The following PRKCH variants were observed in gnomAD, a reference collection of about 807,000 sequenced individuals.
The protein encoded by PRKCH is protein kinase C eta type.
A neutral mutation model predicts 82.5 loss-of-function variants in PRKCH; 28 were observed. That is an observed-to-expected ratio of 0.34 (90% confidence interval 0.25 to 0.47). The LOEUF (loss-of-function observed/expected upper bound fraction) is 0.47, where lower values mean the gene tolerates loss of function less well. Ranked by LOEUF, PRKCH falls within the 20% of genes least tolerant of loss-of-function variation. The pLI is 1.00. For missense variants in PRKCH, 705 were observed against 881.8 expected (o/e 0.80, Z 2.54); for synonymous variants, 322 against 327.4 (o/e 0.98, Z 0.18).
intron 1 of PRKCH, chr14:61,348,076 A>G (rs1268680054): frequency 3.3e-5 from 5 of 152,126 alleles, no homozygotes; most frequent in African/African-American, 1.2e-4. Flanking sequence ...GTTTAGATCT[A>G]TTTATTTGAT....
chr14:61,196,552 T>C (rs1035863944), intron 1 of PRKCH, among the ~76,000 whole-genome samples: 3 of 152,198 alleles, frequency 2.0e-5, no homozygotes, highest in Non-Finnish European at 2.9e-5. Flanking sequence ...CAGATTACAT[T>C]AAAACTAAAA....
intron 1 of PRKCH, among the ~76,000 whole-genome samples, chr14:61,207,965 T>G (rs935594790): frequency 6.6e-6 from 1 of 152,220 alleles, no homozygotes; most frequent in African/African-American, 2.4e-5. Flanking sequence ...ATTAGTCCGG[T>G]AAAGAACAAG....
At chr14:61,467,996 C>G (rs766383677) in intron 9 of PRKCH, among the ~76,000 whole-genome samples, 12 of 152,224 alleles carry the variant, frequency 7.9e-5, no homozygotes, top group Admixed American at 2.0e-4. Context: ...CCTGACCTGA[C>G]TGTCCTGCCA....
intron 9 of PRKCH, among the ~76,000 whole-genome samples, chr14:61,466,787 T>C (rs1885281879): frequency 6.6e-6 from 1 of 152,148 alleles, no homozygotes; most frequent in South Asian, 2.1e-4. Context: ...CGGTCGCTTT[T>C]GCCTCCTCCC....
intron 1 of PRKCH, among the ~76,000 whole-genome samples, chr14:61,290,123 C>G (rs983753473): frequency 3.9e-5 from 6 of 152,014 alleles, no homozygotes; most frequent in Admixed American, 1.3e-4. Flanking sequence ...GAAACCCTGT[C>G]TCTACTAAAA....
intron 1 of PRKCH, among the ~76,000 whole-genome samples, chr14:61,256,849 T>C (rs1175978661): frequency 6.6e-6 from 1 of 152,228 alleles, no homozygotes; most frequent in Non-Finnish European, 1.5e-5. Flanking sequence ...GTCAATGGCT[T>C]CACTTAGCAG....
intron 1 of PRKCH, among the ~76,000 whole-genome samples, chr14:61,253,964 TTCCC>T (rs1238954628): frequency 1.5e-5 from 2 of 135,566 alleles, no homozygotes; most frequent in Admixed American, 7.3e-5. Context: ...TCCTTCCTTC[TTCCC>T]TCCCTCCCTC....
intron 2 of PRKCH, among the ~76,000 whole-genome samples, chr14:61,393,860 G>T (rs144237107): frequency 6.7e-4 from 102 of 152,344 alleles, no homozygotes; most frequent in African/African-American, 2.4e-3. Flanking sequence ...ACAAATGTGG[G>T]TCTCACCTAA....
intron 1 of PRKCH, among the ~76,000 whole-genome samples, chr14:61,294,587 A>T (rs2045391147): frequency 6.6e-6 from 1 of 152,072 alleles, no homozygotes; most frequent in South Asian, 2.1e-4. Context: ...AAATCTTTTA[A>T]CTGTGATGGT....
chr14:61,547,477 C>T (rs1472544847), intron 12 of PRKCH, among the ~76,000 whole-genome samples: 1 of 152,130 alleles, frequency 6.6e-6, no homozygotes. Context: ...ATGGTGTTTA[C>T]AGAAAAGAAA....
chr14:61,492,172 C>T (rs1886475398), intron 10 of PRKCH: 3 of 152,348 alleles, frequency 2.0e-5, no homozygotes, highest in Admixed American at 6.5e-5. Flanking sequence ...TATCTTACTT[C>T]ACTTGGCATT....
chr14:61,290,430 C>T (rs1320417662), intron 1 of PRKCH, among the ~76,000 whole-genome samples: 8 of 152,054 alleles, frequency 5.3e-5, no homozygotes, highest in Admixed American at 5.2e-4. Flanking sequence ...TTTCTTGTAA[C>T]ATCTGCCAGA....
In PRKCH at chr14:61,529,081, G is replaced by T; in HGVS notation, c.1440G>T (p.Leu480=). 6.2e-7 allele frequency: 1 copy of T among 1,608,616 alleles called. No individual in the cohort carries two copies. Among genetic ancestry groups the T allele is most frequent in the South Asian group, 1.1e-5 (1 of 90,902 alleles). The change falls in exon 11 of 14, where the codon CTG becomes CTT. Residue 480 remains leucine (L), a synonymous_variant. Coordinates refer to ENST00000332981, the MANE Select transcript of PRKCH (RefSeq NM_006255.5). ...LHDKGIIYRD[L]KLDNVLLDHE... is the part of the protein sequence containing the mutation. The stretch of plus-strand genomic sequence containing the variant: ...TGCTCTTTGTATCTTTCAGAGATCT[G>T]AAACTGGACAATGTCCTGTTGGACC...
intron 12 of PRKCH, among the ~76,000 whole-genome samples, chr14:61,536,262 T>C (rs550957441): frequency 6.6e-6 from 1 of 152,320 alleles, no homozygotes; most frequent in African/African-American, 2.4e-5. Context: ...TATCTATGCC[T>C]TCTCAAGAAG....
At chr14:61,329,644 G>A (rs2045755766) in intron 1 of PRKCH, among the ~76,000 whole-genome samples, 1 of 152,086 alleles carries the variant, frequency 6.6e-6, no homozygotes, top group African/African-American at 2.4e-5. Context: ...GCATCTTTCA[G>A]TTCCTCAAAA....
At chr14:61,301,241 C>A (rs1412367516) in intron 1 of PRKCH, among the ~76,000 whole-genome samples, 1 of 152,138 alleles carries the variant, frequency 6.6e-6, no homozygotes, top group East Asian at 1.9e-4. Context: ...AAAAATTACA[C>A]TGAAGAAGGT....
At chr14:61,416,986 A>C (rs892342070) in intron 2 of PRKCH, among the ~76,000 whole-genome samples, 4 of 152,198 alleles carry the variant, frequency 2.6e-5, no homozygotes, top group African/African-American at 7.2e-5. Flanking sequence ...CTGGGACAAC[A>C]GGAAAATTGC....
At chr14:61,373,944 G>A (rs936531803) in intron 1 of PRKCH, among the ~76,000 whole-genome samples, 7 of 152,046 alleles carry the variant, frequency 4.6e-5, no homozygotes, top group Non-Finnish European at 8.8e-5. Context: ...TAATGAGTCC[G>A]CAATCCAAAG....
intron 10 of PRKCH, among the ~76,000 whole-genome samples, chr14:61,516,731 A>G (rs1405838356): frequency 1.3e-5 from 2 of 152,178 alleles, no homozygotes; most frequent in African/African-American, 4.8e-5. Context: ...GGAAATCAGT[A>G]AAATTCCCTG....
Sources: gnomAD v4.1 joint callset for allele counts (sites outside exome capture counted in the v4.1 genomes callset) on GRCh38, gnomAD v4.1.1 for gene constraint, MANE v1.5 for transcripts, NCBI Gene and HGNC (gene_info 2026-07-23, HGNC 2026-07-21) for gene names.